Variants in TMEM132D observed in about 807,000 individuals in gnomAD.
TMEM132D encodes the protein transmembrane protein 132D.
TMEM132D carries 21 observed loss-of-function variants against 62.3 expected under a neutral mutation model. That is an observed-to-expected ratio of 0.34 (90% confidence interval 0.24 to 0.49). The LOEUF is 0.49. Among genes scored for constraint, TMEM132D ranks in the 20% least tolerant of loss-of-function variants. The pLI is 0.99. For missense variants in TMEM132D, 1,346 were observed against 1,402.8 expected, an observed-to-expected ratio of 0.96 and a Z score of 0.65; for synonymous variants, 621 against 575.6, an observed-to-expected ratio of 1.08 and a Z score of -1.13.
intron 3 of TMEM132D, among the ~76,000 whole-genome samples, chr12:129,396,262 T>C (rs1407802259): frequency 6.6e-6 from 1 of 152,016 alleles, no homozygotes. Context: ...GGTAGAGGCA[T>C]GGGATTGGAG....
chr12:129,406,828 C>CTA (rs1460514579), intron 3 of TMEM132D, among the ~76,000 whole-genome samples: 1 of 152,204 alleles, frequency 6.6e-6, no homozygotes, highest in Non-Finnish European at 1.5e-5. Context: ...CACGGCTATC[C>CTA]TATAGCCTGT....
At chr12:129,482,776 T>C (rs1221053463) in intron 3 of TMEM132D, among the ~76,000 whole-genome samples, 8 of 152,192 alleles carry the variant, frequency 5.3e-5, no homozygotes, top group Non-Finnish European at 1.0e-4. Flanking sequence ...ATCTTTTTTT[T>C]TTTGCCAACT....
chr12:129,711,312 T>G (rs928492750), intron 1 of TMEM132D, among the ~76,000 whole-genome samples: 1 of 152,142 alleles, frequency 6.6e-6, no homozygotes, highest in African/African-American at 2.4e-5. Context: ...CAACATAAGC[T>G]CTTGGCTCTA....
chr12:129,409,703 G>A (rs1438108326), intron 3 of TMEM132D, among the ~76,000 whole-genome samples: 1 of 152,152 alleles, frequency 6.6e-6, no homozygotes, highest in African/African-American at 2.4e-5. Flanking sequence ...AAAACAAGAG[G>A]TACTTATAAA....
At chr12:129,241,150 C>CAAAA (rs35152074) in intron 4 of TMEM132D, among the ~76,000 whole-genome samples, 27 of 95,614 alleles carry the variant, frequency 2.8e-4, no homozygotes, top group African/African-American at 1.0e-3. Flanking sequence ...CCTCTTACCT[C>CAAAA]AAAAAAAAAA....
At chr12:129,313,542 A>T (rs1001176738) in intron 4 of TMEM132D, among the ~76,000 whole-genome samples, 1 of 146,236 alleles carries the variant, frequency 6.8e-6, no homozygotes, top group Non-Finnish European at 1.5e-5. Context: ...ATATATGTAT[A>T]TGATATATAT....
At chr12:129,766,243 C>T (rs1371915749) in intron 1 of TMEM132D, among the ~76,000 whole-genome samples, 1 of 17,780 alleles carries the variant, frequency 5.6e-5, no homozygotes, top group African/African-American at 8.8e-5. Context: ...TTTTTAGCTA[C>T]TACTACTTAG....
At chr12:129,843,132 T>G (rs1485480048) in intron 1 of TMEM132D, among the ~76,000 whole-genome samples, 1 of 152,210 alleles carries the variant, frequency 6.6e-6, no homozygotes, top group African/African-American at 2.4e-5. Flanking sequence ...AAGATGTTGT[T>G]TAACTCTAAC....
chr12:129,507,553 C>T (rs775776614), intron 3 of TMEM132D, among the ~76,000 whole-genome samples: 7 of 152,074 alleles, frequency 4.6e-5, no homozygotes, highest in South Asian at 2.1e-4. Context: ...TAATGGCATT[C>T]GCAGCAACCT....
intron 2 of TMEM132D, among the ~76,000 whole-genome samples, chr12:129,630,089 T>A (rs1879316154): frequency 6.6e-6 from 1 of 152,212 alleles, no homozygotes. Context: ...AAAAAGAACT[T>A]GCACATGACC....
chr12:129,797,354 T>A (rs986229927), intron 1 of TMEM132D, among the ~76,000 whole-genome samples: 1 of 152,194 alleles, frequency 6.6e-6, no homozygotes, highest in Non-Finnish European at 1.5e-5. Flanking sequence ...CCTTGAAGCA[T>A]GGAGTTTTAG....
intron 2 of TMEM132D, among the ~76,000 whole-genome samples, chr12:129,543,670 A>C (rs1876654513): frequency 6.6e-6 from 1 of 152,214 alleles, no homozygotes; most frequent in South Asian, 2.1e-4. Flanking sequence ...TGGGTGGTCC[A>C]AGTATGGTTT....
At chr12:129,325,481 T>C (rs767677319) in intron 4 of TMEM132D, among the ~76,000 whole-genome samples, 3 of 152,104 alleles carry the variant, frequency 2.0e-5, no homozygotes, top group South Asian at 2.1e-4. Context: ...ACCTGCAAAT[T>C]AGGTGGATCC....
intron 2 of TMEM132D, among the ~76,000 whole-genome samples, chr12:129,606,183 A>C (rs1274731708): frequency 6.6e-6 from 1 of 152,196 alleles, no homozygotes; most frequent in Non-Finnish European, 1.5e-5. Context: ...TCGATTCTAG[A>C]TGGAACCCTA....
At chr12:129,227,601 A>T (rs1232101466) in intron 4 of TMEM132D, among the ~76,000 whole-genome samples, 1 of 149,924 alleles carries the variant, frequency 6.7e-6, no homozygotes, top group Non-Finnish European at 1.5e-5. Flanking sequence ...TTTAATATAT[A>T]TATATATTTT....
chr12:129,216,419 T>A (rs1879202927), intron 4 of TMEM132D, among the ~76,000 whole-genome samples: 1 of 152,166 alleles, frequency 6.6e-6, no homozygotes, highest in African/African-American at 2.4e-5. Context: ...GGATTGTGGG[T>A]GTCCTTACAA....
intron 3 of TMEM132D, among the ~76,000 whole-genome samples, chr12:129,441,224 G>A (rs1201114841): frequency 6.6e-6 from 1 of 152,208 alleles, no homozygotes; most frequent in Non-Finnish European, 1.5e-5. Context: ...CATCAGGAAA[G>A]GGTAGAGTCT....
intron 2 of TMEM132D, among the ~76,000 whole-genome samples, chr12:129,595,978 T>C (rs1878324943): frequency 6.6e-6 from 1 of 152,194 alleles, no homozygotes; most frequent in Non-Finnish European, 1.5e-5. Context: ...GAAGCAGGTG[T>C]TCTAAAAAAA....
intron 1 of TMEM132D, among the ~76,000 whole-genome samples, chr12:129,761,824 A>G (rs1425032036): frequency 6.6e-6 from 1 of 152,148 alleles, no homozygotes; most frequent in African/African-American, 2.4e-5. Context: ...TCCCTACCCC[A>G]GAAATGAGCC....
Sources: gnomAD v4.1 joint callset for allele counts (sites outside exome capture counted in the v4.1 genomes callset) on GRCh38, gnomAD v4.1.1 for gene constraint, MANE v1.5 for transcripts, NCBI Gene and HGNC (gene_info 2026-07-23, HGNC 2026-07-21) for gene names.